Variants in COL25A1 observed in about 807,000 individuals in gnomAD.
The protein encoded by COL25A1 is collagen alpha-1(XXV) chain.
Under a neutral mutation model 128.4 loss-of-function variants are expected in COL25A1, and 103 were observed. The ratio of observed to expected loss-of-function variants is 0.80; its 90% CI spans 0.68 to 0.94. COL25A1 has a LOEUF of 0.94. COL25A1 is among the 40% of genes least tolerant of loss of function. The pLI is 0.00. For missense variants in COL25A1, 745 were observed against 840.0 expected (o/e 0.89, Z 1.40); for synonymous variants, 279 against 277.2 (o/e 1.01, Z -0.06).
chr4:109,142,239 G>A (rs1017725347), intron 3 of COL25A1, among the ~76,000 whole-genome samples: 2 of 152,168 alleles, frequency 1.3e-5, no homozygotes, highest in African/African-American at 4.8e-5. Flanking sequence ...GTGCAGTTTT[G>A]AGTGAGTTTC....
At chr4:109,101,764 G>C (rs1312547884) in intron 3 of COL25A1, among the ~76,000 whole-genome samples, 2 of 152,122 alleles carry the variant, frequency 1.3e-5, no homozygotes, top group Admixed American at 1.3e-4. Context: ...CACTCGTCAG[G>C]CTGACATCTG....
intron 3 of COL25A1, among the ~76,000 whole-genome samples, chr4:109,095,017 C>T (rs1403621485): frequency 2.0e-5 from 3 of 152,156 alleles, no homozygotes; most frequent in African/African-American, 7.2e-5. Context: ...TATTCTACTC[C>T]CATATAACCA....
chr4:109,301,876 A>C lies in COL25A1; in HGVS notation c.144T>G (p.Ser48=), dbSNP rs752634911. 6.8e-6 allele frequency: 11 copies of C among 1,614,072 alleles called. No homozygotes were observed. Among genetic ancestry groups the C allele is most frequent in the Non-Finnish European group, 7.6e-6 (9 of 1,180,042 alleles). Residue 48 remains serine, a synonymous_variant, in exon 2 of 38, where the codon TCT becomes TCG. Coordinates refer to ENST00000399132, the MANE Select transcript of COL25A1 (RefSeq NM_198721.4). ...AALLSVVAVV[S]CLYLGVKTND... ...TGGTTTTCACACCCAGGTACAGGCA[A>C]GACACCACGGCCACCACTGACAGGA... is the stretch of plus-strand genomic sequence containing the variant.
In COL25A1 at chr4:108,811,595, C is replaced by G. The variant is rs1198152674; in HGVS notation, c.*2332G>C. ...GCCACTGGACACTGTAGTTTGTTTT[C>G]CTGAAGAGAATGTAGTTCCACCCAC... On this transcript the variant is annotated 3_prime_UTR_variant, in exon 38 of 38. Coordinates refer to ENST00000399132, the MANE Select transcript of COL25A1 (RefSeq NM_198721.4). 1 of 151,988 alleles carries G rather than the reference C, an allele frequency of 6.6e-6. No individual in the cohort carries two copies. Among genetic ancestry groups the G allele is most frequent in the Non-Finnish European group, 1.5e-5 (1 of 67,942 alleles). The allele number at this position is 151,988 out of a possible 1,614,324, so 9.4% of individuals were successfully genotyped here.
At chr4:108,865,591 G>T (rs1045517986) in intron 20 of COL25A1, among the ~76,000 whole-genome samples, 8 of 151,834 alleles carry the variant, frequency 5.3e-5, no homozygotes. Context: ...AGCTTCTATT[G>T]GTATATAAAA....
chr4:108,852,441 A>G (rs1735900556), intron 25 of COL25A1, among the ~76,000 whole-genome samples, 161 bp from the exon 26 acceptor site: 1 of 152,168 alleles, frequency 6.6e-6, no homozygotes, highest in Non-Finnish European at 1.5e-5. Context: ...ACATAATTAG[A>G]AAAAAACACC....
rs1307797189 is a variant in COL25A1 at position 108,812,944 on chromosome 4, A to G, written c.*983T>C. On this transcript the variant is annotated 3_prime_UTR_variant, in exon 38 of 38. Transcript: ENST00000399132. ...CATTCCAAGAATCTCCTATTCCAAAAGAAGTGCTGTGCCTCTGTCATTTTT... is the reference window on the plus strand; with the variant it reads ...CATTCCAAGAATCTCCTATTCCAAAGGAAGTGCTGTGCCTCTGTCATTTTT... 2 of 152,220 alleles carry G rather than the reference A, an allele frequency of 1.3e-5. No individual in the cohort carries two copies. Among genetic ancestry groups the G allele is most frequent in the Non-Finnish European group, 2.9e-5 (2 of 68,050 alleles). The allele number at this position is 152,220 out of a possible 1,614,324, so 9.4% of individuals were successfully genotyped here.
At chr4:109,123,564 T>C (rs1224826868) in intron 3 of COL25A1, among the ~76,000 whole-genome samples, 2 of 124,730 alleles carry the variant, frequency 1.6e-5, no homozygotes, top group African/African-American at 5.8e-5. Context: ...ATACAAACCA[T>C]AAAGTAAACT....
At chr4:109,101,848 T>G (rs188650818) in intron 3 of COL25A1, among the ~76,000 whole-genome samples, 216 of 152,322 alleles carry the variant, frequency 1.4e-3, no homozygotes, top group African/African-American at 5.0e-3. Flanking sequence ...CTGAACTTAC[T>G]GAGCTACAGA....
At chr4:109,089,606 T>A (rs1764720686) in intron 3 of COL25A1, among the ~76,000 whole-genome samples, 1 of 152,222 alleles carries the variant, frequency 6.6e-6, no homozygotes, top group East Asian at 1.9e-4. Flanking sequence ...GTATATTTTT[T>A]AAAAATATTT....
At chr4:109,187,333 T>C (rs1298383013) in intron 3 of COL25A1, among the ~76,000 whole-genome samples, 10 of 152,216 alleles carry the variant, frequency 6.6e-5, no homozygotes, top group Non-Finnish European at 1.0e-4. Flanking sequence ...TTAAGATGGA[T>C]GTTCAGTCAT....
Position 108,918,200 on chromosome 4 carries a change from G to A in COL25A1, c.752C>T (p.Pro251Leu). Reference sequence around the variant, plus strand: ...TTGCCCATTCATCCCTGGAATTCCAGGTGCTCCAATAGAACCCTAAAGAGA... The same window carrying A: ...TTGCCCATTCATCCCTGGAATTCCAAGTGCTCCAATAGAACCCTAAAGAGA... ...PPGQKGSIGA[P>L]GIPGMNGQKG... Residue 251 changes from proline (P) to leucine (L), a missense_variant, in exon 13 of 38, where the codon CCT becomes CTT. Pro to Leu is a moderately conservative substitution (Grantham distance 98, BLOSUM62 -3). This residue lies in a region of COL25A1 where 319 missense variants were observed against 324.9 expected (regional missense o/e 0.98). Coordinates refer to ENST00000399132, the MANE Select transcript of COL25A1 (RefSeq NM_198721.4). 6.3e-7 allele frequency: 1 copy of A among 1,598,762 alleles called. No individual in the cohort carries two copies. Among genetic ancestry groups the A allele is most frequent in the African/African-American group, 1.3e-5 (1 of 74,626 alleles).
intron 3 of COL25A1, among the ~76,000 whole-genome samples, chr4:109,190,393 T>C (rs1775501859): frequency 6.6e-6 from 1 of 151,532 alleles, no homozygotes; most frequent in Admixed American, 6.6e-5. Flanking sequence ...AACATTCAGA[T>C]TGAGGAAGGA....
intron 32 of COL25A1, among the ~76,000 whole-genome samples, chr4:108,829,181 T>G (rs1481752226): frequency 1.3e-5 from 2 of 152,152 alleles, no homozygotes. Context: ...TACAGCATAT[T>G]TCTTAATAGT....
intron 6 of COL25A1, among the ~76,000 whole-genome samples, chr4:108,983,579 G>A (rs1386488106): frequency 6.6e-6 from 1 of 152,200 alleles, no homozygotes; most frequent in Non-Finnish European, 1.5e-5. Context: ...CTGACTTCAA[G>A]AATGAAGCCG....
chr4:109,215,271 T>C (rs1189459685), intron 3 of COL25A1, among the ~76,000 whole-genome samples: 1 of 152,206 alleles, frequency 6.6e-6, no homozygotes, highest in Admixed American at 6.5e-5. Flanking sequence ...ACACAATTTC[T>C]TTTTATTCTC....
intron 3 of COL25A1, among the ~76,000 whole-genome samples, chr4:109,239,394 G>GTATA (rs144842941): frequency 2.1e-3 from 244 of 116,528 alleles, no homozygotes; most frequent in Non-Finnish European, 3.0e-3. Flanking sequence ...GTGTGTGTGT[G>GTATA]TATATATATA....
intron 3 of COL25A1, among the ~76,000 whole-genome samples, chr4:109,273,183 A>G (rs1782319921): frequency 6.6e-6 from 1 of 152,194 alleles, no homozygotes; most frequent in African/African-American, 2.4e-5. Flanking sequence ...TAGGCTCACT[A>G]AGATACTTCA....
chr4:109,158,146 T>TGCA (rs1021847475), intron 3 of COL25A1, among the ~76,000 whole-genome samples: 107 of 152,346 alleles, frequency 7.0e-4, no homozygotes, highest in African/African-American at 2.6e-3. Flanking sequence ...TTAAATGCTT[T>TGCA]GCAGCATCCA....
Sources: gnomAD v4.1 joint callset for allele counts (sites outside exome capture counted in the v4.1 genomes callset) on GRCh38, gnomAD v4.1.1 for gene constraint, gnomAD v4.1.1 regional missense constraint, MANE v1.5 for transcripts, NCBI Gene and HGNC (gene_info 2026-07-23, HGNC 2026-07-21) for gene names.